Variants in PCDHGA12 observed in about 807,000 individuals in gnomAD.
PCDHGA12 encodes the protein protocadherin gamma-A12.
PCDHGA12 carries 43 observed loss-of-function variants against 61.1 expected under a neutral mutation model. The ratio of observed to expected loss-of-function variants is 0.70; its 90% CI spans 0.55 to 0.91. The LOEUF (loss-of-function observed/expected upper bound fraction) is 0.91, where lower values mean the gene tolerates loss of function less well. Among genes scored for constraint, PCDHGA12 ranks in the 40% least tolerant of loss-of-function variants. PCDHGA12 has a pLI of 0.00. For synonymous variants in PCDHGA12, 520 were observed against 542.9 expected, an observed-to-expected ratio of 0.96 and a Z score of 0.59; for missense variants, 1,236 against 1,227.7, an observed-to-expected ratio of 1.01 and a Z score of -0.10.
Position 141,476,908 on chromosome 5 carries a change from A to T in PCDHGA12, c.2425-17899A>T. ...ATGCACCCTCCGGCACGCGCGTGGT[A>T]CAAGTCCTTGCAACGGATCTGGATG... is the stretch of plus-strand genomic sequence containing the variant. On this transcript the variant is annotated intron_variant, in intron 1 of 3. Coordinates refer to ENST00000252085, the MANE Select transcript of PCDHGA12 (RefSeq NM_003735.3). This position sits in a 1 kb window ranked among gnomAD's most constrained non-coding sequence, Gnocchi z 7.6. The T allele has an allele frequency of 1.2e-6, 2 of 1,614,050 alleles. No individual in the cohort carries two copies. The highest frequency in any genetic ancestry group is 1.7e-6 in the Non-Finnish European group (2 of 1,180,038).
chr5:141,497,374 T>C (rs2099776044), intron 2 of PCDHGA12, among the ~76,000 whole-genome samples: 1 of 152,112 alleles, frequency 6.6e-6, no homozygotes, highest in Non-Finnish European at 1.5e-5. Flanking sequence ...ATGTGTCCTC[T>C]GGGGTGAGCA....
intron 3 of PCDHGA12, among the ~76,000 whole-genome samples, chr5:141,506,282 C>G (rs1422321122): frequency 6.6e-6 from 1 of 152,040 alleles, no homozygotes; most frequent in East Asian, 1.9e-4. Flanking sequence ...AACCCTGTCT[C>G]TACTAAAAAT....
At chr5:141,501,602 A>T (rs766918685) in intron 2 of PCDHGA12, among the ~76,000 whole-genome samples, 1 of 152,026 alleles carries the variant, frequency 6.6e-6, no homozygotes. Flanking sequence ...TACCAGTTCC[A>T]GCTGTGTGAC....
Position 141,476,646 on chromosome 5 carries a change from A to G in PCDHGA12, c.2425-18161A>G, listed in dbSNP as rs771366262. 1.9e-6 allele frequency: 3 copies of G among 1,614,132 alleles called. No homozygotes were observed. The highest frequency in any genetic ancestry group is 1.7e-5 in the Admixed American group (1 of 60,010). ...TTACAAACCTATGAGCTGAGCCGAA[A>G]TGAATACTTTGCGCTTCGCGTGCAG... On this transcript the variant is annotated intron_variant, in intron 1 of 3. Transcript: ENST00000252085. This position sits in a 1 kb window ranked among gnomAD's most constrained non-coding sequence, Gnocchi z 7.6.
intron 1 of PCDHGA12, among the ~76,000 whole-genome samples, chr5:141,492,781 T>C (rs945023154): frequency 9.9e-5 from 15 of 152,194 alleles, no homozygotes; most frequent in African/African-American, 3.6e-4. Flanking sequence ...TGAGTGAGCC[T>C]CTATAGGACA....
chr5:141,486,012 A>C lies in PCDHGA12; in HGVS notation c.2425-8795A>C. The C allele has an allele frequency of 1.9e-6, 3 of 1,614,064 alleles. No homozygotes were observed. The highest frequency in any genetic ancestry group is 2.5e-6 in the Non-Finnish European group (3 of 1,179,984). On this transcript the variant is annotated intron_variant, in intron 1 of 3. Coordinates refer to ENST00000252085, the MANE Select transcript of PCDHGA12 (RefSeq NM_003735.3). The surrounding 1 kb of genome is among the most constrained non-coding windows in gnomAD (Gnocchi z 5.0). ...GGTCCCAGTGGTAACGTCACCTTTT[A>C]TTTCAGTGGTCATACCCCTGATCGT...
chr5:141,464,419 A>G (rs2099083824), intron 1 of PCDHGA12, among the ~76,000 whole-genome samples: 1 of 151,768 alleles, frequency 6.6e-6, no homozygotes, highest in South Asian at 2.1e-4. Context: ...ATATATCTAT[A>G]TATATAGATA....
chr5:141,486,401 G>T lies in PCDHGA12; in HGVS notation c.2425-8406G>T. 6.2e-7 allele frequency: 1 copy of T among 1,614,174 alleles called. No individual in the cohort carries two copies. On this transcript the variant is annotated intron_variant, in intron 1 of 3. Transcript: ENST00000252085. The surrounding 1 kb of genome is among the most constrained non-coding windows in gnomAD (Gnocchi z 5.0). ...CAGGAACCAGTTCTCCCTGGTGACT[G>T]CTGGACCCTTGGATCGAGAGGCCAA...
In PCDHGA12 at chr5:141,491,225, T is replaced by G. The variant is rs764111440; in HGVS notation, c.2425-3582T>G. The stretch of plus-strand genomic sequence containing the variant: ...CCTTCACTCTCCTCCACAGCCACAG[T>G]GCTGCTGGTTCTGGAGGATGAGGAC... On this transcript the variant is annotated intron_variant, in intron 1 of 3. Transcript: ENST00000252085. This position sits in a 1 kb window ranked among gnomAD's most constrained non-coding sequence, Gnocchi z 6.9. 6.2e-7 allele frequency: 1 copy of G among 1,614,232 alleles called. No individual in the cohort carries two copies. Among genetic ancestry groups the G allele is most frequent in the Non-Finnish European group, 8.5e-7 (1 of 1,180,028 alleles).
At chr5:141,498,551 C>T (rs749191535) in intron 2 of PCDHGA12, among the ~76,000 whole-genome samples, 2 of 151,950 alleles carry the variant, frequency 1.3e-5, no homozygotes, top group Non-Finnish European at 2.9e-5. Context: ...GTCAGACACA[C>T]CAGCTTCAAA....
intron 1 of PCDHGA12, among the ~76,000 whole-genome samples, chr5:141,465,502 G>T (rs948827391): frequency 6.6e-6 from 1 of 152,152 alleles, no homozygotes; most frequent in Non-Finnish European, 1.5e-5. Flanking sequence ...GAGCATTGTC[G>T]TGGTCAGGAA....
rs2097300740 is a variant in PCDHGA12 at position 141,430,657 on chromosome 5, A to G, written c.-103A>G. ...CCCTGGGAGTATGTGGAAACAACGG[A>G]GGAGCTCTGACTTCCCAACTGTCCC... On this transcript the variant is annotated 5_prime_UTR_variant, in exon 1 of 4. Coordinates refer to ENST00000252085, the MANE Select transcript of PCDHGA12 (RefSeq NM_003735.3). 1 of 1,093,240 alleles carries G rather than the reference A, an allele frequency of 9.1e-7. No individual in the cohort carries two copies. The highest frequency in any genetic ancestry group is 1.6e-5 in the African/African-American group (1 of 62,848). 67.7% of individuals were successfully genotyped at this position (1,093,240 alleles called of 1,614,324 possible). A position where few individuals can be genotyped will look rare whatever the true frequency, so the allele number is the denominator to read the frequency against.
chr5:141,489,061 C>A lies in PCDHGA12; in HGVS notation c.2425-5746C>A. On this transcript the variant is annotated intron_variant, in intron 1 of 3. Coordinates refer to ENST00000252085, the MANE Select transcript of PCDHGA12 (RefSeq NM_003735.3). This position sits in a 1 kb window ranked among gnomAD's most constrained non-coding sequence, Gnocchi z 4.5. ...AGCTCCACTCAAATTCAGCTCCCCT[C>A]CCCCCTGCCCACCCCCGCCACTCGG... 5 of 347,080 alleles carry A rather than the reference C, an allele frequency of 1.4e-5. No individual in the cohort carries two copies. The highest frequency in any genetic ancestry group is 2.2e-5 in the African/African-American group (1 of 46,422). 21.5% of individuals were successfully genotyped at this position (347,080 alleles called of 1,614,324 possible). A position where few individuals can be genotyped will look rare whatever the true frequency, so the allele number is the denominator to read the frequency against.
intron 1 of PCDHGA12, chr5:141,441,139 G>C (rs1000704603): frequency 6.6e-6 from 1 of 152,172 alleles, no homozygotes; most frequent in African/African-American, 2.4e-5. Context: ...ATTTCTAGAA[G>C]ATAATGACAA....
At chr5:141,478,936 G>A in intron 1 of PCDHGA12, 1 of 633,220 alleles carries the variant, frequency 1.6e-6, no homozygotes, top group African/African-American at 1.9e-5. Context: ...GCAGCTTCTA[G>A]GAATACAAAA....
intron 2 of PCDHGA12, among the ~76,000 whole-genome samples, chr5:141,499,675 T>A (rs1426498530): frequency 2.0e-5 from 3 of 150,746 alleles, no homozygotes; most frequent in African/African-American, 7.3e-5. Flanking sequence ...GTCTCCACCA[T>A]CTTTAACAGA....
At chr5:141,434,515 G>A (rs1032584764) in intron 1 of PCDHGA12, among the ~76,000 whole-genome samples, 1 of 152,296 alleles carries the variant, frequency 6.6e-6, no homozygotes, top group African/African-American at 2.4e-5. Context: ...CTGCTTAAAG[G>A]TGTTCTTAAA....
chr5:141,490,374 C>T lies in PCDHGA12; in HGVS notation c.2425-4433C>T, dbSNP rs1452417604. 1.2e-6 allele frequency: 2 copies of T among 1,614,082 alleles called. No homozygotes were observed. Among genetic ancestry groups the T allele is most frequent in the Middle Eastern group, 1.6e-4 (1 of 6,084 alleles). ...GGTTGTTTAATGTGCGAGACCGGGA[C>T]TCAGGTAGAAATGGTGAAGTGAGCC... On this transcript the variant is annotated intron_variant, in intron 1 of 3. Coordinates refer to ENST00000252085, the MANE Select transcript of PCDHGA12 (RefSeq NM_003735.3). This position sits in a 1 kb window ranked among gnomAD's most constrained non-coding sequence, Gnocchi z 5.4.
At chr5:141,468,346 A>AG (rs2099164784) in intron 1 of PCDHGA12, 33 of 147,324 alleles carry the variant, frequency 2.2e-4, no homozygotes, top group Middle Eastern at 6.9e-3. Flanking sequence ...AAAAAAAAAA[A>AG]AAAGAAAGAA....
Sources: allele counts gnomAD v4.1 joint callset (sites outside exome capture counted in the v4.1 genomes callset), GRCh38; gene constraint gnomAD v4.1.1; non-coding constraint Gnocchi (gnomAD v3.1); transcripts MANE v1.5; gene names NCBI Gene and HGNC (gene_info 2026-07-23, HGNC 2026-07-21).